NECAB2: variants seen among roughly 807,000 people sequenced by gnomAD.
NECAB2 encodes N-terminal EF-hand calcium binding protein 2, also known as N-terminal EF-hand calcium-binding protein 2.
A neutral mutation model predicts 51.9 loss-of-function variants in NECAB2; 68 were observed. The ratio of observed to expected loss-of-function variants is 1.31; its 90% CI spans 1.08 to 1.60. The LOEUF (loss-of-function observed/expected upper bound fraction) is 1.60. Among genes scored for constraint, NECAB2 ranks in the 40% most tolerant of loss-of-function variants. The pLI, the probability that NECAB2 is intolerant of heterozygous loss-of-function variation, is 0.00. For synonymous variants in NECAB2, 329 were observed against 203.5 expected (o/e 1.62, Z -5.25); for missense variants, 854 against 490.3 (o/e 1.74, Z -7.00).
intron 9 of NECAB2, 34 bp from the exon 10 acceptor site, chr16:83,998,171 G>A (rs756509846): frequency 1.9e-6 from 3 of 1,593,410 alleles, no homozygotes; most frequent in African/African-American, 1.3e-5. Flanking sequence ...GGCCTGACGT[G>A]GAGCCCCACA....
Position 83,981,059 on chromosome 16 carries a change from G to A in NECAB2, c.391G>A (p.Glu131Lys). The A allele has an allele frequency of 6.2e-7, 1 of 1,614,154 alleles. No individual in the cohort carries two copies. The highest frequency in any genetic ancestry group is 8.5e-7 in the Non-Finnish European group (1 of 1,180,024). ...DYFVDHMGDY[E>K]DVLASLETLN... ...CTTTGTGGACCACATGGGTGACTAT[G>A]AGGATGTCCTGGCCTCCCTGGAGAC... is the stretch of plus-strand genomic sequence containing the variant. The change falls in exon 5 of 13, where the codon GAG becomes AAG. Residue 131 changes from glutamate to lysine, a missense_variant. Transcript: ENST00000305202.
In NECAB2 at chr16:84,002,673, C is replaced by T. The variant is rs113299313; in HGVS notation, c.*327C>T. 1,766 of 413,300 alleles carry T rather than the reference C, an allele frequency of 4.3e-3. 32 individuals carry two copies. The highest frequency in any genetic ancestry group is 0.033 in the African/African-American group (1,615 of 49,626). 25.6% of individuals were successfully genotyped at this position (413,300 alleles called of 1,614,324 possible). A position where few individuals can be genotyped will look rare whatever the true frequency, so the allele number is the denominator to read the frequency against. On this transcript the variant is annotated 3_prime_UTR_variant, in exon 13 of 13. Transcript: ENST00000305202. ...CACACTGACCACACCCTGCCCTCTT[C>T]GGTGACATTCTTCTACCTAGTAGGA...
At chr16:83,996,790 C>T (rs16962459) in intron 8 of NECAB2, among the ~76,000 whole-genome samples, 4 of 152,152 alleles carry the variant, frequency 2.6e-5, no homozygotes, top group African/African-American at 7.2e-5. Flanking sequence ...GCAGCACCTT[C>T]CCTGGGGAGT....
chr16:83,972,591 A>T (rs145915381), intron 2 of NECAB2, among the ~76,000 whole-genome samples: 2 of 152,212 alleles, frequency 1.3e-5, no homozygotes, highest in Non-Finnish European at 2.9e-5. Context: ...TCTTCATCGT[A>T]GCAACCTGAG....
At chr16:83,992,687 TTGATC>T (rs1242495245) in intron 6 of NECAB2, among the ~76,000 whole-genome samples, 1 of 152,140 alleles carries the variant, frequency 6.6e-6, no homozygotes, top group African/African-American at 2.4e-5. Flanking sequence ...CCAAATGAGT[TTGATC>T]TGAGCATTTG....
At chr16:84,000,853 G>A (rs1196064558) in intron 11 of NECAB2, 52 bp downstream of exon 11, 4 of 1,577,424 alleles carry the variant, frequency 2.5e-6, no homozygotes, top group East Asian at 4.5e-5. Context: ...GAAGTGGGGG[G>A]GCTGTCTTCC....
chr16:83,995,416 C>G (rs537692240), intron 8 of NECAB2, among the ~76,000 whole-genome samples: 1 of 152,090 alleles, frequency 6.6e-6, no homozygotes, highest in Middle Eastern at 3.2e-3. Context: ...GCATGGGACC[C>G]CTCCCTCATA....
At chr16:84,001,663 CCCTGGGCACCCCCTCACCTT>C (rs3215187) in intron 11 of NECAB2, among the ~76,000 whole-genome samples, 142 bp from the exon 12 acceptor site, 28,914 of 151,694 alleles carry the variant, frequency 0.19, 5,285 homozygotes, top group African/African-American at 0.49. Context: ...GAGTCAGCCT[CCCTGGGCACCCCCTCACCTT>C]CCCACAAAGG....
chr16:83,996,883 A>T (rs1330975236), intron 8 of NECAB2, among the ~76,000 whole-genome samples: 1 of 152,084 alleles, frequency 6.6e-6, no homozygotes, highest in East Asian at 1.9e-4. Context: ...TAGATCCCTG[A>T]GGTGCTGGGG....
chr16:83,969,354 C>G (rs1177259852), intron 1 of NECAB2, among the ~76,000 whole-genome samples: 1 of 152,090 alleles, frequency 6.6e-6, no homozygotes, highest in Non-Finnish European at 1.5e-5. Flanking sequence ...GACCCTTTGC[C>G]CCAGCTACTG....
chr16:83,977,574 C>G (rs1276829192), intron 2 of NECAB2, among the ~76,000 whole-genome samples: 1 of 152,096 alleles, frequency 6.6e-6, no homozygotes, highest in African/African-American at 2.4e-5. Flanking sequence ...CATCCCTCCA[C>G]AGAGCCCCTC....
chr16:83,974,585 ATCCTC>A (rs1437851825), intron 2 of NECAB2, among the ~76,000 whole-genome samples: 1 of 152,100 alleles, frequency 6.6e-6, no homozygotes, highest in African/African-American at 2.4e-5. Context: ...CTTCATTGTG[ATCCTC>A]CTGAGACAAG....
At chr16:83,976,744 C>T (rs541179963) in intron 2 of NECAB2, among the ~76,000 whole-genome samples, 1 of 152,236 alleles carries the variant, frequency 6.6e-6, no homozygotes, top group East Asian at 1.9e-4. Context: ...CGTGCCCACA[C>T]GTTCATATTC....
In NECAB2 at chr16:84,002,419, A is replaced by ACAGACACTTTGGTGC; in HGVS notation, c.*74_*88dup. On this transcript the variant is annotated 3_prime_UTR_variant, in exon 13 of 13. Transcript: ENST00000305202. ...TGAAGGAAATCCCGTTTTTTTCTAG[A>ACAGACACTTTGGTGC]CAGACACTTTGGTGCAGAAGCTTCT... The ACAGACACTTTGGTGC allele has an allele frequency of 6.5e-7, 1 of 1,539,682 alleles. No individual in the cohort carries two copies. The highest frequency in any genetic ancestry group is 9.0e-7 in the Non-Finnish European group (1 of 1,114,368).
In NECAB2 at chr16:83,981,055, C is replaced by T. The variant is rs1253279659; in HGVS notation, c.387C>T (p.Asp129=). ...ATTACTTTGTGGACCACATGGGTGA[C>T]TATGAGGATGTCCTGGCCTCCCTGG... ...LCDYFVDHMG[D]YEDVLASLET... is the part of the protein sequence containing the mutation. The change falls in exon 5 of 13, where the codon GAC becomes GAT. Residue 129 remains aspartate, a synonymous_variant. Transcript: ENST00000305202. The T allele has an allele frequency of 1.2e-6, 2 of 1,614,138 alleles. No homozygotes were observed. The highest frequency in any genetic ancestry group is 2.2e-5 in the East Asian group (1 of 44,876).
intron 6 of NECAB2, among the ~76,000 whole-genome samples, chr16:83,993,198 C>G (rs1210845566): frequency 2.0e-5 from 3 of 152,134 alleles, no homozygotes; most frequent in Admixed American, 6.5e-5. Flanking sequence ...GATGTCACCT[C>G]TAGCACAGGC....
Position 83,971,998 on chromosome 16 carries a change from A to T in NECAB2, c.202-153A>T, listed in dbSNP as rs1330836073. ...CCCTCATCAGTTCCCCCTGGATCCC[A>T]GCCCGGGGAGGGGGAGAGGGAAGGG... On this transcript the variant is annotated intron_variant, in intron 1 of 12. Coordinates refer to ENST00000305202, the MANE Select transcript of NECAB2 (RefSeq NM_019065.3). 3.9e-6 allele frequency: 4 copies of T among 1,021,280 alleles called. No homozygotes were observed. The East Asian group carries it at 1.0e-4, about 26-fold the overall frequency. 63.3% of individuals were successfully genotyped at this position (1,021,280 alleles called of 1,614,324 possible).
chr16:83,993,151 G>T (rs1023086301), intron 6 of NECAB2, among the ~76,000 whole-genome samples: 1 of 152,096 alleles, frequency 6.6e-6, no homozygotes, highest in Admixed American at 6.5e-5. Context: ...GGTCCCTGAG[G>T]ACTATCCTGT....
At chr16:83,992,585 G>A (rs79163400) in intron 6 of NECAB2, among the ~76,000 whole-genome samples, 3,351 of 152,254 alleles carry the variant, frequency 0.022, 66 homozygotes, top group Non-Finnish European at 0.035. Flanking sequence ...TTGGTTTGCT[G>A]GGGGACTGGG....
Sources: gnomAD v4.1 joint callset for allele counts (sites outside exome capture counted in the v4.1 genomes callset) on GRCh38, gnomAD v4.1.1 for gene constraint, MANE v1.5 for transcripts, NCBI Gene and HGNC (gene_info 2026-07-23, HGNC 2026-07-21) for gene names.